EME1: variants seen among roughly 807,000 people sequenced by gnomAD.
The protein encoded by EME1 is essential meiotic structure-specific endonuclease 1.
In EME1, 61 loss-of-function variants were observed where a neutral mutation model predicts 59.1. The ratio of observed to expected loss-of-function variants is 1.03; its 90% confidence interval spans 0.84 to 1.28. The LOEUF (loss-of-function observed/expected upper bound fraction) is 1.28, where lower values mean the gene tolerates loss of function less well. EME1 is among the 50% of genes most tolerant of loss of function. The pLI is 0.00. For missense variants in EME1, 635 were observed against 682.6 expected, an observed-to-expected ratio of 0.93 and a Z score of 0.78; for synonymous variants, 230 against 254.2, an observed-to-expected ratio of 0.90 and a Z score of 0.90.
chr17:50,379,849 G>A (rs1913700988), intron 7 of EME1: 8 of 404,586 alleles, frequency 2.0e-5, no homozygotes, highest in Middle Eastern at 7.4e-4. Flanking sequence ...TTAATTACAG[G>A]TCAGATCACA....
Position 50,379,208 on chromosome 17 carries a change from G to C in EME1, c.1214G>C (p.Arg405Thr), listed in dbSNP as rs200188162. ...GCCAGCATAGGGTCCATGGTATCCA[G>C]GGTAGACGCTGAAGAGGTAAGAACG... Reference protein sequence around the residue: ...PEASIGSMVSRVDAEEALVDL... With the variant: ...PEASIGSMVSTVDAEEALVDL... Residue 405 changes from arginine (R) to threonine (T), a missense_variant, in exon 6 of 9, where the codon AGG becomes ACG. Physicochemically the swap from Arg to Thr is moderately conservative, Grantham distance 71. Transcript: ENST00000338165. 2.4e-5 allele frequency: 39 copies of C among 1,614,062 alleles called. No individual in the cohort carries two copies. Among genetic ancestry groups the C allele is most frequent in the Non-Finnish European group, 3.2e-5 (38 of 1,180,046 alleles).
intron 8 of EME1, 103 bp downstream of exon 8, chr17:50,380,604 G>A: frequency 6.5e-7 from 1 of 1,539,050 alleles, no homozygotes. Flanking sequence ...AGGCCTCACA[G>A]GTCAGCAGTG....
At position 50,379,181 on chromosome 17, in the gene EME1, A is replaced by T. The variant is rs762162151; in HGVS notation, c.1187A>T (p.Glu396Val). 3.1e-6 allele frequency: 5 copies of T among 1,614,108 alleles called. No homozygotes were observed. The highest frequency in any genetic ancestry group is 1.3e-5 in the African/African-American group (1 of 74,934). ...QTKKQQQRQP[E>V]ASIGSMVSRV... ...AAGAAGCAGCAGCAGAGACAACCAG[A>T]GGCCAGCATAGGGTCCATGGTATCC... The change falls in exon 6 of 9, where the codon GAG (glutamate) becomes GTG (valine). Residue 396 changes from glutamate to valine, a missense_variant. Coordinates refer to ENST00000338165, the MANE Select transcript of EME1 (RefSeq NM_152463.4).
rs1475625626 is a variant in EME1, at chr17:50,380,804, G to C, written c.1578G>C (p.Leu526Phe). 1 of 1,614,238 alleles carries C rather than the reference G, an allele frequency of 6.2e-7. No homozygotes were observed. The highest frequency in any genetic ancestry group is 1.7e-5 in the Admixed American group (1 of 60,028). ...TTTCGGATAAAGAACGCCAGAATTT[G>C]CTCGCAGACATACAGGTGCGCCGTG... Reference protein sequence around the residue: ...QCFSDKERQNLLADIQVRRGE... With the variant: ...QCFSDKERQNFLADIQVRRGE... The change falls in exon 9 of 9, where the codon TTG (leucine) becomes TTC (phenylalanine). Residue 526 changes from leucine to phenylalanine, a missense_variant. Coordinates refer to ENST00000338165, the MANE Select transcript of EME1 (RefSeq NM_152463.4).
chr17:50,378,549 A>G (rs1375422668), intron 3 of EME1, 46 bp from the exon 4 acceptor site: 1 of 1,601,820 alleles, frequency 6.2e-7, no homozygotes, highest in Non-Finnish European at 8.5e-7. Flanking sequence ...GGTGCTCAAT[A>G]CCTGCTGACC....
At chr17:50,377,281 G>A (rs1399853154) in intron 3 of EME1, among the ~76,000 whole-genome samples, 2 of 152,026 alleles carry the variant, frequency 1.3e-5, no homozygotes, top group Non-Finnish European at 2.9e-5. Context: ...ATCCTATGGG[G>A]TAGGACTTCT....
At chr17:50,378,321 C>T (rs527950148) in intron 3 of EME1, among the ~76,000 whole-genome samples, 1 of 152,232 alleles carries the variant, frequency 6.6e-6, no homozygotes, top group South Asian at 2.1e-4. Flanking sequence ...ACCTCGGCCT[C>T]CCAAAGTGCT....
intron 3 of EME1, among the ~76,000 whole-genome samples, chr17:50,378,034 G>A (rs567379604): frequency 6.6e-6 from 1 of 150,436 alleles, no homozygotes; most frequent in East Asian, 2.0e-4. Flanking sequence ...CTGGGATTGG[G>A]ATTACAGGTG....
chr17:50,375,391 G>C lies in EME1; in HGVS notation c.183G>C (p.Glu61Asp), dbSNP rs752663381. Residue 61 changes from glutamate (E) to aspartate (D), a missense_variant, in exon 2 of 9, where the codon GAG becomes GAC. Glu to Asp is a conservative substitution (Grantham distance 45, BLOSUM62 2). Transcript: ENST00000338165. ...AAGCCTCCTGTCCTCCAGCACCAGA[G>C]TTATTTTCACCACCTGTCCCAGAAA... is the stretch of plus-strand genomic sequence containing the variant. ...DCEASCPPAPELFSPPVPEIA... is the reference protein window; with the variant it reads ...DCEASCPPAPDLFSPPVPEIA... 1 of 1,614,208 alleles carries C rather than the reference G, an allele frequency of 6.2e-7. No homozygotes were observed. The highest frequency in any genetic ancestry group is 1.1e-5 in the South Asian group (1 of 91,086).
At position 50,381,242 on chromosome 17, in the gene EME1, C is replaced by A; in HGVS notation, c.*303C>A. 3.0e-6 allele frequency: 1 copy of A among 329,640 alleles called. No individual in the cohort carries two copies. The highest frequency in any genetic ancestry group is 5.9e-5 in the South Asian group (1 of 17,048). The allele number at this position is 329,640 out of a possible 1,614,324, so 20.4% of individuals were successfully genotyped here. A position where few individuals can be genotyped will look rare whatever the true frequency, so the allele number is the denominator to read the frequency against. ...AACACAAAGGAACAAAGACAGTCCA[C>A]TCAGACACTTATTTAATAACTGTAG... On this transcript the variant is annotated 3_prime_UTR_variant, in exon 9 of 9. Transcript: ENST00000338165.
intron 3 of EME1, 96 bp downstream of exon 3, chr17:50,376,289 G>A: frequency 6.5e-7 from 1 of 1,531,166 alleles, no homozygotes. Context: ...CAGGGCCCCA[G>A]CAGGAAGACA....
Position 50,376,197 on chromosome 17 carries a change from G to A in EME1, c.903+4G>A. On this transcript the variant is annotated splice_donor_region_variant and intron_variant, in intron 3 of 8. Coordinates refer to ENST00000338165, the MANE Select transcript of EME1 (RefSeq NM_152463.4). ...GAGAAGGGCTGGGCCGTCTGAGGTA[G>A]GAGTTTTCTGGCTGACATTTCCTCC... is the stretch of plus-strand genomic sequence containing the variant. 1 of 1,610,812 alleles carries A rather than the reference G, an allele frequency of 6.2e-7. No homozygotes were observed. Among genetic ancestry groups the A allele is most frequent in the Non-Finnish European group, 8.5e-7 (1 of 1,178,360 alleles).
intron 1 of EME1, among the ~76,000 whole-genome samples, chr17:50,373,561 ATTATT>A (rs951083424): frequency 1.1e-4 from 17 of 152,316 alleles, no homozygotes; most frequent in Admixed American, 7.2e-4. Flanking sequence ...CGGTGGATGC[ATTATT>A]TTATTTAATT....
Position 50,375,719 on chromosome 17 carries a change from G to T in EME1, c.511G>T (p.Ala171Ser). ...CTTAGATCCATGCTGTCAGCTTCCA[G>T]CCTACCTGTCTACCTGCCCTGGCCA... ...LILDPCCQLPAYLSTCPGQSS... is the reference protein window; with the variant it reads ...LILDPCCQLPSYLSTCPGQSS... Residue 171 changes from alanine (A) to serine (S), a missense_variant, in exon 2 of 9, where the codon GCC becomes TCC. By Grantham distance (99) the Ala-to-Ser change is moderately conservative (BLOSUM62 1). Coordinates refer to ENST00000338165, the MANE Select transcript of EME1 (RefSeq NM_152463.4). 6.2e-7 allele frequency: 1 copy of T among 1,614,138 alleles called. No homozygotes were observed. Among genetic ancestry groups the T allele is most frequent in the Non-Finnish European group, 8.5e-7 (1 of 1,180,028 alleles).
At position 50,381,071 on chromosome 17, in the gene EME1, C is replaced by A. The variant is rs957446663; in HGVS notation, c.*132C>A. ...AGGTGAGGCCCAGTCTTTCTTGGGTCTTATTATTTGTGAAGGTCTCTCTGC... is the reference window on the plus strand; with the variant it reads ...AGGTGAGGCCCAGTCTTTCTTGGGTATTATTATTTGTGAAGGTCTCTCTGC... On this transcript the variant is annotated 3_prime_UTR_variant, in exon 9 of 9. Transcript: ENST00000338165. 4.0e-6 allele frequency: 4 copies of A among 997,028 alleles called. No homozygotes were observed. The highest frequency in any genetic ancestry group is 5.8e-6 in the Non-Finnish European group (4 of 688,134). 61.8% of individuals were successfully genotyped at this position (997,028 alleles called of 1,614,324 possible). A position where few individuals can be genotyped will look rare whatever the true frequency, so the allele number is the denominator to read the frequency against.
intron 7 of EME1, 189 bp from the exon 8 acceptor site, chr17:50,380,123 T>C: frequency 1.8e-6 from 1 of 570,782 alleles, no homozygotes; most frequent in South Asian, 2.2e-5. Context: ...AGTTTTTAAA[T>C]GAATCAGCAA....
intron 3 of EME1, among the ~76,000 whole-genome samples, 194 bp from the exon 4 acceptor site, chr17:50,378,401 G>C (rs1368448206): frequency 2.0e-5 from 3 of 152,156 alleles, no homozygotes; most frequent in Non-Finnish European, 4.4e-5. Flanking sequence ...CTGAGATGCA[G>C]GGCACCAAGA....
chr17:50,376,435 C>T (rs1913476520), intron 3 of EME1, among the ~76,000 whole-genome samples: 1 of 152,138 alleles, frequency 6.6e-6, no homozygotes, highest in Non-Finnish European at 1.5e-5. Flanking sequence ...TTAGGTTTTT[C>T]GACCTCAGTA....
In EME1 at chr17:50,378,617, A is replaced by T. The variant is rs747246830; in HGVS notation, c.926A>T (p.Glu309Val). The change falls in exon 4 of 9, where the codon GAG becomes GTG. Residue 309 changes from glutamate (E) to valine (V), a missense_variant. By Grantham distance (121) the Glu-to-Val change is moderately radical (BLOSUM62 -2). Coordinates refer to ENST00000338165, the MANE Select transcript of EME1 (RefSeq NM_152463.4). The stretch of plus-strand genomic sequence containing the variant: ...CAGGACAGAGAGGACTGGGTGGAGG[A>T]GCCAACAGTACTGGTGTTGCTCCGG... ...PSEDREDWVEEPTVLVLLRAE... is the reference protein window; with the variant it reads ...PSEDREDWVEVPTVLVLLRAE... The T allele has an allele frequency of 6.2e-7, 1 of 1,613,932 alleles. No homozygotes were observed. Among genetic ancestry groups the T allele is most frequent in the Non-Finnish European group, 8.5e-7 (1 of 1,179,988 alleles).
Sources: allele counts gnomAD v4.1 joint callset (sites outside exome capture counted in the v4.1 genomes callset), GRCh38; gene constraint gnomAD v4.1.1; transcripts MANE v1.5; gene names NCBI Gene and HGNC (gene_info 2026-07-23, HGNC 2026-07-21).